Variants in LDLRAD4 observed in about 807,000 individuals in gnomAD.
The protein encoded by LDLRAD4 is low-density lipoprotein receptor class A domain-containing protein 4.
LDLRAD4 carries 5 observed loss-of-function variants against 17.0 expected under a neutral mutation model. The observed-to-expected ratio is 0.29, with a 90% CI of 0.15 to 0.62. LDLRAD4 has a LOEUF of 0.62. LDLRAD4 is among the 20% of genes least tolerant of loss of function. LDLRAD4 has a pLI of 0.84. For missense variants in LDLRAD4, 340 were observed against 424.7 expected (o/e 0.80, Z 1.75); for synonymous variants, 168 against 171.8 (o/e 0.98, Z 0.17).
At chr18:13,511,134 T>G (rs540077907) in intron 3 of LDLRAD4, among the ~76,000 whole-genome samples, 1 of 152,230 alleles carries the variant, frequency 6.6e-6, no homozygotes, top group Admixed American at 6.5e-5. Context: ...GCGGCCCAAG[T>G]GCAGCCTGCA....
chr18:13,544,138 T>TTTCAGAAATACC (rs1287131700), intron 3 of LDLRAD4, among the ~76,000 whole-genome samples: 5 of 152,264 alleles, frequency 3.3e-5, no homozygotes, highest in Non-Finnish European at 5.9e-5. Flanking sequence ...CCACGCTGCT[T>TTTCAGAAATACC]TTCAGAAATA....
intron 3 of LDLRAD4, chr18:13,501,133 G>C (rs537582170): frequency 3.3e-5 from 5 of 152,328 alleles, no homozygotes; most frequent in Non-Finnish European, 5.9e-5. Flanking sequence ...TTGAGGCCGG[G>C]GGGTGGAGTA....
intron 3 of LDLRAD4, among the ~76,000 whole-genome samples, chr18:13,497,154 A>C (rs12606866): frequency 0.29 from 44,212 of 152,148 alleles, 7,577 homozygotes; most frequent in Middle Eastern, 0.39. Flanking sequence ...CATTTTATTT[A>C]GCTTCCTTTT....
chr18:13,580,283 C>G (rs932157223), intron 3 of LDLRAD4, among the ~76,000 whole-genome samples: 1 of 152,236 alleles, frequency 6.6e-6, no homozygotes, highest in African/African-American at 2.4e-5. Context: ...CTGCCTGGGT[C>G]TAGGCACAGC....
At chr18:13,477,449 A>G (rs1010347056) in intron 3 of LDLRAD4, among the ~76,000 whole-genome samples, 1 of 152,318 alleles carries the variant, frequency 6.6e-6, no homozygotes, top group Middle Eastern at 3.4e-3. Flanking sequence ...ACCTGCCTCT[A>G]TCAGGCGGGA....
intron 2 of LDLRAD4, among the ~76,000 whole-genome samples, chr18:13,394,040 T>C (rs1159115529): frequency 6.6e-6 from 1 of 152,258 alleles, no homozygotes; most frequent in African/African-American, 2.4e-5. Flanking sequence ...AAATGATTGA[T>C]AGTGGCTTTT....
At chr18:13,648,960 G>T (rs533073292) in exon 6 of LDLRAD4, 2 of 152,244 alleles carry the variant, frequency 1.3e-5, no homozygotes, top group African/African-American at 4.8e-5. Flanking sequence ...TATTTCAATA[G>T]TTCTTCTATT....
At chr18:13,492,323 A>G (rs2093376191) in intron 3 of LDLRAD4, among the ~76,000 whole-genome samples, 1 of 152,174 alleles carries the variant, frequency 6.6e-6, no homozygotes, top group African/African-American at 2.4e-5. Context: ...TCATCTTTGT[A>G]AAGTTTCTTC....
intron 1 of LDLRAD4, among the ~76,000 whole-genome samples, chr18:13,311,463 C>T (rs535640820): frequency 2.0e-5 from 3 of 152,238 alleles, no homozygotes; most frequent in Non-Finnish European, 2.9e-5. Context: ...AGTCGCTTTC[C>T]AGCCGTGGGT....
intron 3 of LDLRAD4, among the ~76,000 whole-genome samples, chr18:13,532,649 G>T (rs115981621): frequency 0.017 from 2,586 of 152,308 alleles, 72 homozygotes; most frequent in African/African-American, 0.059. Flanking sequence ...GCCTTTTGAT[G>T]CTCATCATCT....
chr18:13,346,089 C>T (rs2082670628), intron 1 of LDLRAD4, among the ~76,000 whole-genome samples: 1 of 152,128 alleles, frequency 6.6e-6, no homozygotes, highest in African/African-American at 2.4e-5. Flanking sequence ...TTCAGTTCTG[C>T]CCTGATCTTA....
intron 3 of LDLRAD4, among the ~76,000 whole-genome samples, chr18:13,593,312 TAAAAAACAAAAAAC>T (rs1042091163): frequency 6.6e-6 from 1 of 152,156 alleles, no homozygotes; most frequent in Admixed American, 6.5e-5. Flanking sequence ...GACTGCGTCT[TAAAAAACAAAAAAC>T]AAAAAACAAA....
chr18:13,237,224 C>T (rs1462368040), intron 1 of LDLRAD4, among the ~76,000 whole-genome samples: 1 of 152,194 alleles, frequency 6.6e-6, no homozygotes, highest in Admixed American at 6.5e-5. Flanking sequence ...TGCAGGGTTA[C>T]TCTGACTGTC....
intron 1 of LDLRAD4, among the ~76,000 whole-genome samples, chr18:13,252,875 C>T (rs1380917159): frequency 6.6e-6 from 1 of 152,210 alleles, no homozygotes; most frequent in Non-Finnish European, 1.5e-5. Flanking sequence ...AGAATAGTGT[C>T]CTTGTAGTCT....
At chr18:13,374,176 G>T (rs1423369381) in intron 1 of LDLRAD4, among the ~76,000 whole-genome samples, 1 of 152,194 alleles carries the variant, frequency 6.6e-6, no homozygotes, top group Non-Finnish European at 1.5e-5. Flanking sequence ...GTCGTCTCTT[G>T]GGATAGCACA....
chr18:13,396,282 G>A (rs1249540232), intron 2 of LDLRAD4, among the ~76,000 whole-genome samples: 2 of 152,182 alleles, frequency 1.3e-5, no homozygotes, highest in African/African-American at 2.4e-5. Flanking sequence ...CCCTAGCTGG[G>A]CGTGTAATTC....
intron 1 of LDLRAD4, among the ~76,000 whole-genome samples, chr18:13,377,338 C>G (rs1330036096): frequency 6.6e-6 from 1 of 152,192 alleles, no homozygotes; most frequent in Non-Finnish European, 1.5e-5. Context: ...ACGTCTGTTT[C>G]CATAACTTGG....
chr18:13,607,077 T>C (rs1192113799), intron 3 of LDLRAD4, among the ~76,000 whole-genome samples: 1 of 152,216 alleles, frequency 6.6e-6, no homozygotes, highest in East Asian at 1.9e-4. Flanking sequence ...GTTTCAGTGG[T>C]TGCTACATTT....
rs113474256 is a variant in LDLRAD4 at position 13,640,111 on chromosome 18, CG to C, written c.337-3247del. On this transcript the variant is annotated intron_variant, in intron 4 of 5. Coordinates refer to ENST00000359446, the Ensembl canonical transcript of LDLRAD4. ...AGGATCCTGGCTAATATGGTGAAAC[CG>C]CGTCTCTACTAACAGTACAAAAAAA... Among the ~76,000 whole-genome samples the C allele has an allele frequency of 8.8e-3, 1,336 of 151,942 alleles. 16 individuals carry two copies. Among genetic ancestry groups the C allele is most frequent in the South Asian group, 0.034 (166 of 4,818 alleles).
Sources: allele counts gnomAD v4.1 joint callset (sites outside exome capture counted in the v4.1 genomes callset), GRCh38; gene constraint gnomAD v4.1.1; transcripts MANE v1.5; gene names NCBI Gene and HGNC (gene_info 2026-07-23, HGNC 2026-07-21).